CHD3: variants seen among roughly 807,000 people sequenced by gnomAD.
CHD3 encodes the protein chromodomain helicase DNA binding protein 3.
In CHD3, 52 loss-of-function variants were observed where a neutral mutation model predicts 248.9. The ratio of observed to expected loss-of-function variants is 0.21; its 90% CI spans 0.17 to 0.26. The LOEUF is 0.26. Ranked by LOEUF, CHD3 falls within the 10% of genes least tolerant of loss-of-function variation. CHD3 has a pLI of 1.00. For synonymous variants in CHD3, 985 were observed against 985.2 expected (o/e 1.00, Z 0.00); for missense variants, 1,482 against 2,605.8 (o/e 0.57, Z 9.39).
Position 7,897,271 on chromosome 17 carries a change from C to T in CHD3, c.1896C>T (p.Thr632=), listed in dbSNP as rs373299963. 1.1e-4 allele frequency: 184 copies of T among 1,613,670 alleles called. 1 individual carries two copies. The highest frequency in any genetic ancestry group is 1.6e-4 in the Middle Eastern group (1 of 6,072). ...TTGGCATCAAGCCAGAGTGGATGACCGTCCACCGCATCATCAACCACAGGT... is the reference window on the plus strand; with the variant it reads ...TTGGCATCAAGCCAGAGTGGATGACTGTCCACCGCATCATCAACCACAGGT... ...YRFGIKPEWM[T]VHRIINHSVD... The change falls in exon 11 of 40, where the codon ACC becomes ACT. Residue 632 remains threonine (T), a synonymous_variant. Coordinates refer to ENST00000330494, the MANE Select transcript of CHD3 (RefSeq NM_001005273.3). The surrounding 1 kb of genome is among the most constrained non-coding windows in gnomAD (Gnocchi z 4.8).
rs763283640 is a variant in CHD3, at chr17:7,893,488, G to A, written c.712G>A (p.Gly238Arg). Residue 238 changes from glycine to arginine, a missense_variant, in exon 5 of 40, where the codon GGA (glycine) becomes AGA (arginine). Around this residue, in one of 20 missense-constraint regions of CHD3, gnomAD observed 149 missense variants for 182.6 expected, o/e 0.82. Coordinates refer to ENST00000330494, the MANE Select transcript of CHD3 (RefSeq NM_001005273.3). ...VSSATPIAPS[G>R]PPALPPPPAA... ...GTCGGCCACCCCCATAGCACCCTCCGGACCCCCCGCCCTTCCACCACCCCC... is the reference window on the plus strand; with the variant it reads ...GTCGGCCACCCCCATAGCACCCTCCAGACCCCCCGCCCTTCCACCACCCCC... 3.3e-6 allele frequency: 3 copies of A among 921,582 alleles called. No individual in the cohort carries two copies. Among genetic ancestry groups the A allele is most frequent in the Non-Finnish European group, 2.9e-6 (2 of 687,658 alleles). The allele number at this position is 921,582 out of a possible 1,614,324, so 57.1% of individuals were successfully genotyped here. A position where few individuals can be genotyped will look rare whatever the true frequency, so the allele number is the denominator to read the frequency against.
rs779975301 is a variant in CHD3 at position 7,910,597 on chromosome 17, C to A, written c.5754+6C>A. 1 of 1,602,598 alleles carries A rather than the reference C, an allele frequency of 6.2e-7. No individual in the cohort carries two copies. Among genetic ancestry groups the A allele is most frequent in the Non-Finnish European group, 8.5e-7 (1 of 1,175,508 alleles). ...CGGAGCCTCACCCCACACCGGTAACCCTCTTTCCCCCTAGCTCCAGTTTTC... is the reference window on the plus strand; with the variant it reads ...CGGAGCCTCACCCCACACCGGTAACACTCTTTCCCCCTAGCTCCAGTTTTC... On this transcript the variant is annotated splice_donor_region_variant and intron_variant, in intron 38 of 39. Transcript: ENST00000330494. The surrounding 1 kb of genome is among the most constrained non-coding windows in gnomAD (Gnocchi z 4.7).
rs1971101769 is a variant in CHD3 at position 7,907,344 on chromosome 17, C to G, written c.4789-9C>G. The G allele has an allele frequency of 1.0e-5, 16 of 1,605,852 alleles. No individual in the cohort carries two copies. The East Asian group carries it at 3.3e-4, about 34-fold the overall frequency. On this transcript the variant is annotated splice_polypyrimidine_tract_variant and intron_variant, in intron 31 of 39. Coordinates refer to ENST00000330494, the MANE Select transcript of CHD3 (RefSeq NM_001005273.3). The surrounding 1 kb of genome is among the most constrained non-coding windows in gnomAD (Gnocchi z 4.3). ...TCTGGCTCATCCTGACCCCATTGTC[C>G]TCTTCCAGGCTGATGCCCCCAGCCC...
chr17:7,890,551 T>C lies in CHD3; in HGVS notation c.214-20T>C, dbSNP rs1478890465. On this transcript the variant is annotated intron_variant, in intron 2 of 39. Transcript: ENST00000330494. ...CAATGGTAGGGATGAATAAATGTTA[T>C]TTTTATTTCTTTCTCTTAGGACAGT... 3.3e-6 allele frequency: 5 copies of C among 1,514,586 alleles called. No homozygotes were observed. Among genetic ancestry groups the C allele is most frequent in the Non-Finnish European group, 2.7e-6 (3 of 1,124,416 alleles). 93.8% of individuals were successfully genotyped at this position (1,514,586 alleles called of 1,614,324 possible).
Position 7,903,295 on chromosome 17 carries a change from T to C in CHD3, c.3519T>C (p.Ile1173=), listed in dbSNP as rs777349451. Residue 1173 remains isoleucine, a synonymous_variant, in exon 23 of 40, where the codon ATT becomes ATC. Transcript: ENST00000330494. This position sits in a 1 kb window ranked among gnomAD's most constrained non-coding sequence, Gnocchi z 6.8. ...AGGCCTTTAGCCGGGCTCATCGGATTGGCCAGGCCAACAAAGTGATGATTT... is the reference window on the plus strand; with the variant it reads ...AGGCCTTTAGCCGGGCTCATCGGATCGGCCAGGCCAACAAAGTGATGATTT... ...DIQAFSRAHR[I]GQANKVMIYR... 7 of 1,613,974 alleles carry C rather than the reference T, an allele frequency of 4.3e-6. No individual in the cohort carries two copies. In the Admixed American group the frequency reaches 8.3e-5, roughly 19 times the overall value.
intron 20 of CHD3, among the ~76,000 whole-genome samples, chr17:7,901,700 G>A (rs932935179): frequency 1.3e-5 from 2 of 151,758 alleles, no homozygotes; most frequent in African/African-American, 4.8e-5. Flanking sequence ...TAGTAGAGAC[G>A]GGATTTCACC....
chr17:7,902,527 G>T, intron 20 of CHD3, 83 bp from the exon 21 acceptor site: 1 of 840,612 alleles, frequency 1.2e-6, no homozygotes, highest in Non-Finnish European at 2.0e-6. Context: ...GATTAGGGTT[G>T]AGTTTGTGTA....
Position 7,908,542 on chromosome 17 carries a change from G to A in CHD3, c.5261+32G>A, listed in dbSNP as rs1462824910. The A allele has an allele frequency of 6.3e-7, 1 of 1,595,312 alleles. No individual in the cohort carries two copies. Among genetic ancestry groups the A allele is most frequent in the Non-Finnish European group, 8.6e-7 (1 of 1,166,318 alleles). On this transcript the variant is annotated intron_variant, in intron 35 of 39. Transcript: ENST00000330494. The surrounding 1 kb of genome is among the most constrained non-coding windows in gnomAD (Gnocchi z 5.8). ...TTTGATACACATGCAAGAAGGAAAA[G>A]GTTCTCTCAAGCTGGCAAAAAAAAA...
At position 7,906,647 on chromosome 17, in the gene CHD3, C is replaced by T. The variant is rs138883221; in HGVS notation, c.4453C>T (p.Arg1485Cys). 3.1e-6 allele frequency: 5 copies of T among 1,613,370 alleles called. No individual in the cohort carries two copies. The highest frequency in any genetic ancestry group is 3.4e-6 in the Non-Finnish European group (4 of 1,179,742). The part of the protein sequence containing the change: ...ADGVPREGLS[R>C]QQVLTRIGVM... The stretch of plus-strand genomic sequence containing the variant: ...TGGGGTCCCTCGGGAGGGACTGAGT[C>T]GCCAGCAGGTGTTGACCCGCATTGG... The change falls in exon 29 of 40, where the codon CGC becomes TGC. Residue 1485 changes from arginine (R) to cysteine (C), a missense_variant. Coordinates refer to ENST00000330494, the MANE Select transcript of CHD3 (RefSeq NM_001005273.3). This position sits in a 1 kb window ranked among gnomAD's most constrained non-coding sequence, Gnocchi z 5.0.
At chr17:7,884,830 G>A (rs769517619), upstream of CHD3, 16 of 511,724 alleles carry the variant, frequency 3.1e-5, no homozygotes, top group South Asian at 5.7e-4. Flanking sequence ...TGAGGGACGA[G>A]GAGGAGGAGG....
intron 6 of CHD3, 89 bp from the exon 7 acceptor site, chr17:7,894,026 C>A: frequency 1.3e-6 from 2 of 1,589,682 alleles, no homozygotes; most frequent in East Asian, 2.2e-5. Flanking sequence ...AGACAGGGAT[C>A]CGTGAGGGAT....
upstream of CHD3, among the ~76,000 whole-genome samples, chr17:7,886,271 C>T (rs1050913150): frequency 1.3e-5 from 2 of 152,232 alleles, no homozygotes; most frequent in African/African-American, 4.8e-5. The surrounding 1 kb of genome is among the most constrained non-coding windows in gnomAD (Gnocchi z 4.2). Flanking sequence ...GCGTCAGGCG[C>T]CCAGCGGTGT....
Position 7,890,980 on chromosome 17 carries a change from G to A in CHD3, c.425G>A (p.Trp142Ter), listed in dbSNP as rs1968770423. Residue 142 changes from tryptophan (W) to a stop codon, truncating the protein, a stop_gained, in exon 4 of 40, where the codon TGG becomes TAG. Transcript: ENST00000330494. LOFTEE classifies it high-confidence loss of function. ...QKSSATLLLTWGLEDVEHVFS... is the reference protein window; with the variant it reads ...QKSSATLLLT ...TCATCAGCAACTCTGCTTCTGACCT[G>A]GGGCCTGGAGGATGTGGAGCATGTG... 1 of 1,614,056 alleles carries A rather than the reference G, an allele frequency of 6.2e-7. No individual in the cohort carries two copies. The highest frequency in any genetic ancestry group is 8.5e-7 in the Non-Finnish European group (1 of 1,180,028).
Position 7,905,648 on chromosome 17 carries a change from G to T in CHD3, c.4166G>T (p.Arg1389Leu). 1.2e-6 allele frequency: 2 copies of T among 1,607,868 alleles called. No individual in the cohort carries two copies. Among genetic ancestry groups the T allele is most frequent in the Non-Finnish European group, 1.7e-6 (2 of 1,176,654 alleles). ...CGTAGACAGTCAAAGAGGCAGCTCC[G>T]GAATGAGAAAGATAAGCCACTGCCT... is the stretch of plus-strand genomic sequence containing the variant. ...EGRRQSKRQL[R>L]NEKDKPLPPL... The change falls in exon 27 of 40, where the codon CGG (arginine) becomes CTG (leucine). Residue 1389 changes from arginine (R) to leucine (L), a missense_variant. This residue lies in a region of CHD3 where 156 missense variants were observed against 420.3 expected (regional missense o/e 0.37). Transcript: ENST00000330494. This position sits in a 1 kb window ranked among gnomAD's most constrained non-coding sequence, Gnocchi z 5.8.
At position 7,912,124 on chromosome 17, in the gene CHD3, G is replaced by A. The variant is rs1261112131; in HGVS notation, c.*539G>A. On this transcript the variant is annotated 3_prime_UTR_variant, in exon 40 of 40. Coordinates refer to ENST00000330494, the MANE Select transcript of CHD3 (RefSeq NM_001005273.3). Reference sequence around the variant, plus strand: ...GTTACCGTCCCCTACCTCTCCCCACGTGGAGGGTGGAGCAGTTATGAGGGA... The same window carrying A: ...GTTACCGTCCCCTACCTCTCCCCACATGGAGGGTGGAGCAGTTATGAGGGA... 3.4e-5 allele frequency: 8 copies of A among 233,166 alleles called. No individual in the cohort carries two copies. Among genetic ancestry groups the A allele is most frequent in the Middle Eastern group, 1.5e-3 (1 of 656 alleles). 14.4% of individuals were successfully genotyped at this position (233,166 alleles called of 1,614,324 possible). A position where few individuals can be genotyped will look rare whatever the true frequency, so the allele number is the denominator to read the frequency against.
Position 7,907,427 on chromosome 17 carries a change from G to A in CHD3, c.4863G>A (p.Val1621=). ...GGAAGATTCCTCTAGAGGATGAGGT[G>A]CCAGGGGTGCCTGGAGAGATGGAGC... ...EPRKIPLEDE[V]PGVPGEMEPE... The change falls in exon 32 of 40, where the codon GTG becomes GTA. Residue 1621 remains valine (V), a synonymous_variant. Transcript: ENST00000330494. This position sits in a 1 kb window ranked among gnomAD's most constrained non-coding sequence, Gnocchi z 4.3. 1 of 1,611,638 alleles carries A rather than the reference G, an allele frequency of 6.2e-7. No homozygotes were observed. Among genetic ancestry groups the A allele is most frequent in the Non-Finnish European group, 8.5e-7 (1 of 1,178,820 alleles).
chr17:7,901,438 T>A, intron 20 of CHD3, 63 bp downstream of exon 20: 1 of 1,436,052 alleles, frequency 7.0e-7, no homozygotes, highest in Non-Finnish European at 9.3e-7. Flanking sequence ...TCCTCCAGAC[T>A]TTAATTTCTT....
Position 7,908,871 on chromosome 17 carries a change from G to A in CHD3, c.5394+42G>A, listed in dbSNP as rs1598006995. The A allele has an allele frequency of 4.3e-6, 7 of 1,613,104 alleles. No individual in the cohort carries two copies. The East Asian group carries it at 1.6e-4, about 36-fold the overall frequency. Reference sequence around the variant, plus strand: ...AAAGGAGCGGGTTATAGACGGGCTTGGGTCAGAAGTGAGACCAGATCTAGT... The same window carrying A: ...AAAGGAGCGGGTTATAGACGGGCTTAGGTCAGAAGTGAGACCAGATCTAGT... On this transcript the variant is annotated intron_variant, in intron 36 of 39. Coordinates refer to ENST00000330494, the MANE Select transcript of CHD3 (RefSeq NM_001005273.3). The surrounding 1 kb of genome is among the most constrained non-coding windows in gnomAD (Gnocchi z 5.8).
In CHD3 at chr17:7,893,861, C is replaced by T; in HGVS notation, c.850C>T (p.Leu284Phe). 6.2e-7 allele frequency: 1 copy of T among 1,613,370 alleles called. No individual in the cohort carries two copies. The highest frequency in any genetic ancestry group is 8.5e-7 in the Non-Finnish European group (1 of 1,179,724). ...SPRVPDGRKK[L>F]RGKKMAPLKI... ...CCGAGTGCCTGATGGACGCAAGAAG[C>T]TTCGGGGAAAGAAAATGGCACCACT... is the stretch of plus-strand genomic sequence containing the variant. Residue 284 changes from leucine to phenylalanine, a missense_variant, in exon 6 of 40, where the codon CTT becomes TTT. Leu to Phe is a conservative substitution (Grantham distance 22). Transcript: ENST00000330494.
Sources: allele counts gnomAD v4.1 joint callset (sites outside exome capture counted in the v4.1 genomes callset), GRCh38; gene constraint gnomAD v4.1.1; regional missense constraint gnomAD v4.1.1; non-coding constraint Gnocchi (gnomAD v3.1); transcripts MANE v1.5; gene names NCBI Gene and HGNC (gene_info 2026-07-23, HGNC 2026-07-21).